PDE10A: variants seen among roughly 807,000 people sequenced by gnomAD.
PDE10A encodes cAMP and cAMP-inhibited cGMP 3',5'-cyclic phosphodiesterase 10A.
A neutral mutation model predicts 97.7 loss-of-function variants in PDE10A; 39 were observed. That is an observed-to-expected ratio of 0.40 (90% CI 0.31 to 0.52). PDE10A has a LOEUF of 0.52. Among genes scored for constraint, PDE10A ranks in the 20% least tolerant of loss-of-function variants. The pLI, the probability that PDE10A is intolerant of heterozygous loss-of-function variation, is 0.56. For missense variants in PDE10A, 731 were observed against 1,047.8 expected (o/e 0.70, Z 4.17); for synonymous variants, 371 against 376.8 (o/e 0.98, Z 0.18).
intron 1 of PDE10A, among the ~76,000 whole-genome samples, chr6:165,945,884 G>A (rs1783748971): frequency 2.0e-5 from 3 of 152,216 alleles, no homozygotes; most frequent in Admixed American, 6.5e-5. Context: ...ATTAAACCAA[G>A]TGGGGAAATG....
At chr6:165,891,236 G>A (rs995507267) in intron 1 of PDE10A, among the ~76,000 whole-genome samples, 3 of 152,162 alleles carry the variant, frequency 2.0e-5, no homozygotes, top group Non-Finnish European at 4.4e-5. Flanking sequence ...ATATCATTCT[G>A]TATTTGCATC....
In PDE10A at chr6:165,424,614, A is replaced by G. The variant is rs796833028; in HGVS notation, c.1653+4044T>C. Among the ~76,000 whole-genome samples the G allele has an allele frequency of 3.4e-4, 52 of 152,312 alleles. 2 individuals carry two copies. The highest frequency in any genetic ancestry group is 1.1e-3 in the African/African-American group (46 of 41,580). ...AATGGAACATTTCTGAGCTCATTTTATAAGTGTAGCATAACCCAATACCAG... is the reference window on the plus strand; with the variant it reads ...AATGGAACATTTCTGAGCTCATTTTGTAAGTGTAGCATAACCCAATACCAG... On this transcript the variant is annotated intron_variant, in intron 10 of 21. Coordinates refer to ENST00000539869, the MANE Select transcript of PDE10A (RefSeq NM_001385079.1).
intron 1 of PDE10A, among the ~76,000 whole-genome samples, chr6:165,590,375 C>T (rs556601576): frequency 9.2e-5 from 14 of 152,286 alleles, no homozygotes; most frequent in Non-Finnish European, 5.9e-5. Context: ...AAAACCCAGG[C>T]GTCTGCTTCC....
Position 165,332,860 on chromosome 6 carries a change from G to T in PDE10A, c.*165C>A, listed in dbSNP as rs1194942410. The T allele has an allele frequency of 2.0e-5, 12 of 598,624 alleles. No homozygotes were observed. The highest frequency in any genetic ancestry group is 8.9e-5 in the Admixed American group (3 of 33,858). 37.1% of individuals were successfully genotyped at this position (598,624 alleles called of 1,614,324 possible). On this transcript the variant is annotated 3_prime_UTR_variant, in exon 22 of 22. Coordinates refer to ENST00000539869, the MANE Select transcript of PDE10A (RefSeq NM_001385079.1). ...GATGCCTCACAGAAGAGATTGGCAG[G>T]AAGTCCTCTGCTTGACTTATTTATT...
intron 10 of PDE10A, among the ~76,000 whole-genome samples, chr6:165,424,907 T>C (rs778153069): frequency 1.6e-4 from 25 of 152,012 alleles, no homozygotes; most frequent in Non-Finnish European, 2.9e-4. Flanking sequence ...TAGAAGGAAA[T>C]GTTTTAAAAT....
intron 3 of PDE10A, among the ~76,000 whole-genome samples, chr6:165,475,461 G>A (rs1779242412): frequency 6.6e-6 from 1 of 152,160 alleles, no homozygotes; most frequent in African/African-American, 2.4e-5. Context: ...AAGAAACGAG[G>A]TGACTTTGGC....
intron 1 of PDE10A, among the ~76,000 whole-genome samples, chr6:165,647,804 A>G (rs920853208): frequency 4.6e-5 from 7 of 152,142 alleles, no homozygotes; most frequent in African/African-American, 1.7e-4. Context: ...TCAGAACCCA[A>G]GGAAACAATG....
At chr6:165,749,186 ACTGT>A (rs1288377049) in intron 1 of PDE10A, among the ~76,000 whole-genome samples, 80,097 of 123,452 alleles carry the variant, frequency 0.65, 28,135 homozygotes, top group Middle Eastern at 0.68. Flanking sequence ...TAACACTATC[ACTGT>A]CATCACCATC....
intron 1 of PDE10A, among the ~76,000 whole-genome samples, chr6:165,657,882 C>A (rs575470966): frequency 4.6e-5 from 7 of 152,318 alleles, no homozygotes; most frequent in African/African-American, 1.4e-4. Context: ...ACGTCCACAC[C>A]CTGGCTCTGC....
rs1187812971 is a variant in PDE10A at position 165,365,474 on chromosome 6, T to C, written c.2783+13720A>G. 2.6e-5 allele frequency among the ~76,000 whole-genome samples: 4 copies of C among 152,268 alleles called. No individual in the cohort carries two copies. The South Asian group carries it at 6.2e-4, about 24-fold the overall frequency. ...ACTTTGGGAGGCTGGGGTGGGAAGA[T>C]CATTTGAGCCCTGGAGTTCAAGACC... On this transcript the variant is annotated intron_variant, in intron 18 of 21. Transcript: ENST00000539869.
upstream of PDE10A, among the ~76,000 whole-genome samples, chr6:165,663,370 C>T (rs917527914): frequency 6.6e-6 from 1 of 152,090 alleles, no homozygotes; most frequent in Non-Finnish European, 1.5e-5. Context: ...CCGCCTGCAC[C>T]CGGGGCCGGG....
chr6:165,854,951 G>A (rs1390489147), intron 1 of PDE10A, among the ~76,000 whole-genome samples: 1 of 152,138 alleles, frequency 6.6e-6, no homozygotes, highest in Non-Finnish European at 1.5e-5. Context: ...CCTGCCTGGA[G>A]AGGGAGGCCC....
chr6:165,820,754 A>G (rs1323234371), intron 1 of PDE10A, among the ~76,000 whole-genome samples: 3 of 152,246 alleles, frequency 2.0e-5, no homozygotes, highest in African/African-American at 7.2e-5. Flanking sequence ...AAACGAAAGA[A>G]AGCCATAAAA....
chr6:165,438,561 G>A (rs1047358316), intron 5 of PDE10A, among the ~76,000 whole-genome samples: 12 of 152,158 alleles, frequency 7.9e-5, no homozygotes, highest in Admixed American at 2.0e-4. Flanking sequence ...ATACCACACT[G>A]TTTTAATTAT....
chr6:165,497,265 ACCATC>A (rs369676450), intron 2 of PDE10A, among the ~76,000 whole-genome samples: 130 of 152,252 alleles, frequency 8.5e-4, no homozygotes, highest in East Asian at 3.3e-3. Context: ...ACAGAATGAC[ACCATC>A]CCATCCCATC....
chr6:165,544,420 A>G (rs902131578), intron 1 of PDE10A, among the ~76,000 whole-genome samples: 1 of 152,184 alleles, frequency 6.6e-6, no homozygotes, highest in African/African-American at 2.4e-5. Context: ...TATGTTTTCA[A>G]TTTGGTGCTT....
intron 1 of PDE10A, among the ~76,000 whole-genome samples, chr6:165,946,202 A>T (rs2074317755): frequency 6.6e-6 from 1 of 152,232 alleles, no homozygotes; most frequent in African/African-American, 2.4e-5. Context: ...ATAGTTAATA[A>T]GAATATATTG....
At chr6:165,584,144 A>C (rs1473387764) in intron 1 of PDE10A, among the ~76,000 whole-genome samples, 1 of 152,200 alleles carries the variant, frequency 6.6e-6, no homozygotes, top group African/African-American at 2.4e-5. Flanking sequence ...CAATAGAGGC[A>C]GTTACAAAGT....
At chr6:165,558,249 A>G (rs1784354982) in intron 1 of PDE10A, among the ~76,000 whole-genome samples, 1 of 152,238 alleles carries the variant, frequency 6.6e-6, no homozygotes, top group South Asian at 2.1e-4. Flanking sequence ...TGTGGCACAT[A>G]TACACCATGG....
Sources: allele counts gnomAD v4.1 joint callset (sites outside exome capture counted in the v4.1 genomes callset), GRCh38; gene constraint gnomAD v4.1.1; transcripts MANE v1.5; gene names NCBI Gene and HGNC (gene_info 2026-07-23, HGNC 2026-07-21).